The following CAMK1D variants were observed in gnomAD, a reference collection of about 807,000 sequenced individuals.
CAMK1D encodes calcium/calmodulin dependent protein kinase ID.
A neutral mutation model predicts 47.7 loss-of-function variants in CAMK1D; 9 were observed. That is an observed-to-expected ratio of 0.19 (90% CI 0.11 to 0.33). The LOEUF (loss-of-function observed/expected upper bound fraction) is 0.33. CAMK1D is among the 10% of genes least tolerant of loss of function. The probability of loss-of-function intolerance (pLI) is 1.00; values close to 1 mark genes in which losing one functional copy is unlikely to be tolerated. For synonymous variants in CAMK1D, 184 were observed against 184.9 expected, an observed-to-expected ratio of 0.99 and a Z score of 0.04; for missense variants, 291 against 488.7, an observed-to-expected ratio of 0.60 and a Z score of 3.81.
intron 6 of CAMK1D, among the ~76,000 whole-genome samples, chr10:12,807,464 T>C (rs897710805): frequency 1.3e-5 from 2 of 152,176 alleles, no homozygotes; most frequent in African/African-American, 4.8e-5. Context: ...CAAGATCCAG[T>C]GTAGTTATCA....
rs555240872 is a variant in CAMK1D at position 12,404,974 on chromosome 10, C to T, written c.92+55064C>T. The stretch of plus-strand genomic sequence containing the variant: ...TGCTGGGATTATAGACATGAGCCAC[C>T]GCGCCTGGCTGGAAAACTGTATTTT... On this transcript the variant is annotated intron_variant, in intron 1 of 10. Coordinates refer to ENST00000619168, the MANE Select transcript of CAMK1D (RefSeq NM_153498.4). Among the ~76,000 whole-genome samples the T allele has an allele frequency of 6.6e-5, 10 of 152,220 alleles. No individual in the cohort carries two copies. In the East Asian group the frequency reaches 1.2e-3, roughly 18 times the overall value.
rs141902434 is a variant in CAMK1D, at chr10:12,798,645, C to A, written c.641+7412C>A. Among the ~76,000 whole-genome samples, 446 of 152,292 alleles carry A rather than the reference C, an allele frequency of 2.9e-3. 4 individuals are homozygous for A. In the East Asian group the frequency reaches 0.034, roughly 12 times the overall value. ...CTGCCTAGAGAGACTGATGGTTTAT[C>A]CTCTCAAGACTCAATTATCTAAAGA... On this transcript the variant is annotated intron_variant, in intron 6 of 10. Transcript: ENST00000619168.
At chr10:12,415,536 G>T (rs1273204137) in intron 1 of CAMK1D, among the ~76,000 whole-genome samples, 1 of 148,206 alleles carries the variant, frequency 6.7e-6, no homozygotes, top group Non-Finnish European at 1.5e-5. Context: ...CTGACCTCAG[G>T]TGATCCACCT....
intron 1 of CAMK1D, among the ~76,000 whole-genome samples, chr10:12,454,220 T>C (rs920044687): frequency 3.3e-5 from 5 of 152,240 alleles, no homozygotes; most frequent in Non-Finnish European, 7.3e-5. Flanking sequence ...TGGAGTGCAG[T>C]GACGCGATTT....
At chr10:12,454,003 G>T (rs1213818419) in intron 1 of CAMK1D, among the ~76,000 whole-genome samples, 1 of 152,172 alleles carries the variant, frequency 6.6e-6, no homozygotes, top group Non-Finnish European at 1.5e-5. Context: ...AGAGCTCTGG[G>T]GGGGCTGTTG....
chr10:12,833,569 G>C lies in CAMK1D; in HGVS notation c.*4682G>C, dbSNP rs938435381. 11 of 152,224 alleles carry C rather than the reference G, an allele frequency of 7.2e-5. No homozygotes were observed. Among genetic ancestry groups the C allele is most frequent in the African/African-American group, 2.4e-4 (10 of 41,462 alleles). The allele number at this position is 152,224 out of a possible 1,614,324, so 9.4% of individuals were successfully genotyped here. A position where few individuals can be genotyped will look rare whatever the true frequency, so the allele number is the denominator to read the frequency against. On this transcript the variant is annotated 3_prime_UTR_variant, in exon 11 of 11. Coordinates refer to ENST00000619168, the MANE Select transcript of CAMK1D (RefSeq NM_153498.4). ...GGCCACGCTGGAACCATTGCTCTAG[G>C]GCTGAAGGTGGAAGTAGGGCCACTG...
chr10:12,697,869 G>A (rs114811731), intron 3 of CAMK1D, among the ~76,000 whole-genome samples: 2,166 of 152,316 alleles, frequency 0.014, 42 homozygotes, highest in African/African-American at 0.049. Context: ...TCACAGCCAT[G>A]GGGTGTGAAA....
rs75302582 is a variant in CAMK1D at position 12,535,481 on chromosome 10, C to G, written c.93-17744C>G. On this transcript the variant is annotated intron_variant, in intron 1 of 10. Coordinates refer to ENST00000619168, the MANE Select transcript of CAMK1D (RefSeq NM_153498.4). ...TCCTCATGAGAATGGCCAATAAGTC[C>G]TCCATGAAGTCAGCTCCAAGAAATA... Among the ~76,000 whole-genome samples the G allele has an allele frequency of 7.5e-3, 1,144 of 152,258 alleles. 27 individuals carry two copies. The highest frequency in any genetic ancestry group is 0.046 in the East Asian group (236 of 5,178).
At chr10:12,827,496 T>TTG (rs1164637815) in intron 10 of CAMK1D, among the ~76,000 whole-genome samples, 167 of 15,428 alleles carry the variant, frequency 0.011, 36 homozygotes, top group Middle Eastern at 0.019. Context: ...CTTTCTTTCT[T>TTG]TCTTTCTTTC....
At chr10:12,612,473 T>C (rs929942267) in intron 2 of CAMK1D, among the ~76,000 whole-genome samples, 15 of 151,498 alleles carry the variant, frequency 9.9e-5, no homozygotes, top group Non-Finnish European at 1.8e-4. Flanking sequence ...TCCCAAGTAG[T>C]GGGGATTAAG....
At chr10:12,693,917 T>A (rs1833037738) in intron 3 of CAMK1D, among the ~76,000 whole-genome samples, 1 of 107,794 alleles carries the variant, frequency 9.3e-6, no homozygotes, top group Non-Finnish European at 1.8e-5. Context: ...ATAATATATA[T>A]AAAAATATAT....
At chr10:12,687,792 T>C (rs1832720512) in intron 3 of CAMK1D, among the ~76,000 whole-genome samples, 1 of 152,154 alleles carries the variant, frequency 6.6e-6, no homozygotes, top group South Asian at 2.1e-4. Flanking sequence ...GGCTACAGTG[T>C]CAGGAATTTT....
intron 1 of CAMK1D, among the ~76,000 whole-genome samples, chr10:12,499,577 C>T (rs1375107501): frequency 1.3e-5 from 2 of 152,136 alleles, no homozygotes; most frequent in Non-Finnish European, 2.9e-5. Context: ...GTGGCACACA[C>T]AGGATTTTAT....
chr10:12,427,578 C>T (rs2131981398), intron 1 of CAMK1D, among the ~76,000 whole-genome samples: 1 of 152,212 alleles, frequency 6.6e-6, no homozygotes, highest in South Asian at 2.1e-4. Context: ...GCGCCCCAGC[C>T]TGGCCTTCCA....
intron 1 of CAMK1D, among the ~76,000 whole-genome samples, chr10:12,519,392 ACCC>A (rs1312096036): frequency 1.2e-3 from 1 of 838 alleles, no homozygotes. Context: ...CGGCTGGCCG[ACCC>A]CCCCCCCCCC....
intron 2 of CAMK1D, among the ~76,000 whole-genome samples, chr10:12,564,603 G>A (rs571634839): frequency 6.6e-6 from 1 of 152,064 alleles, no homozygotes; most frequent in Non-Finnish European, 1.5e-5. Flanking sequence ...GCCAGGTTTG[G>A]GGGAATAAAT....
In CAMK1D at chr10:12,834,154, A is replaced by C. The variant is rs370711401; in HGVS notation, c.*5267A>C. The C allele has an allele frequency of 1.2e-4, 19 of 152,370 alleles. No individual in the cohort carries two copies. Among genetic ancestry groups the C allele is most frequent in the African/African-American group, 4.6e-4 (19 of 41,580 alleles). 9.4% of individuals were successfully genotyped at this position (152,370 alleles called of 1,614,324 possible). ...GAGTGTGCAGATGAGTTAGCTTGAC[A>C]ACCTCAACTCTGGGGAGCAGGCAGG... is the stretch of plus-strand genomic sequence containing the variant. On this transcript the variant is annotated 3_prime_UTR_variant, in exon 11 of 11. Transcript: ENST00000619168.
At chr10:12,437,484 C>G (rs552547111) in intron 1 of CAMK1D, among the ~76,000 whole-genome samples, 2 of 152,162 alleles carry the variant, frequency 1.3e-5, no homozygotes, top group African/African-American at 4.8e-5. Flanking sequence ...CGTGAGCTAC[C>G]GCGCCCAGCC....
intron 2 of CAMK1D, among the ~76,000 whole-genome samples, chr10:12,644,050 A>C (rs1215426120): frequency 1.3e-5 from 2 of 152,164 alleles, no homozygotes; most frequent in Non-Finnish European, 2.9e-5. Flanking sequence ...CAATCATAGA[A>C]ATAAAGTGCA....
Sources: allele counts gnomAD v4.1 joint callset (sites outside exome capture counted in the v4.1 genomes callset), GRCh38; gene constraint gnomAD v4.1.1; transcripts MANE v1.5; gene names NCBI Gene and HGNC (gene_info 2026-07-23, HGNC 2026-07-21).